The following UGT3A1 variants were observed in gnomAD, a reference collection of about 807,000 sequenced individuals.
UGT3A1 encodes the protein UDP-glycosyltransferase 3A1.
A neutral mutation model predicts 37.6 loss-of-function variants in UGT3A1; 40 were observed. The observed-to-expected ratio is 1.06, with a 90% confidence interval of 0.83 to 1.38. The LOEUF is 1.38. Among genes scored for constraint, UGT3A1 ranks in the 40% most tolerant of loss-of-function variants. The pLI, the probability that UGT3A1 is intolerant of heterozygous loss-of-function variation, is 0.00. For missense variants in UGT3A1, 642 were observed against 634.2 expected (o/e 1.01, Z -0.13); for synonymous variants, 256 against 232.3 (o/e 1.10, Z -0.93).
chr5:35,960,279 C>A (rs569304664), intron 4 of UGT3A1, among the ~76,000 whole-genome samples: 12 of 152,156 alleles, frequency 7.9e-5, no homozygotes, highest in African/African-American at 2.9e-4. Flanking sequence ...GATTTCAAAA[C>A]ATATTACAAA....
rs960138134 is a variant in UGT3A1 at position 35,952,793 on chromosome 5, A to C, written c.*1409T>G. On this transcript the variant is annotated 3_prime_UTR_variant, in exon 7 of 7. Coordinates refer to ENST00000274278, the MANE Select transcript of UGT3A1 (RefSeq NM_152404.4). ...CACACAGATACACACACTCTAATGT[A>C]CTTCTGCGTGCTTCATGCTTCTGGC... is the stretch of plus-strand genomic sequence containing the variant. 2 of 152,242 alleles carry C rather than the reference A, an allele frequency of 1.3e-5. No individual in the cohort carries two copies. Among genetic ancestry groups the C allele is most frequent in the Non-Finnish European group, 2.9e-5 (2 of 68,042 alleles). 9.4% of individuals were successfully genotyped at this position (152,242 alleles called of 1,614,324 possible).
intron 2 of UGT3A1, among the ~76,000 whole-genome samples, chr5:35,975,124 G>A (rs928124157): frequency 5.9e-5 from 9 of 152,216 alleles, no homozygotes; most frequent in African/African-American, 2.2e-4. Context: ...CTGTTCTGTG[G>A]ATAACAGCCA....
At chr5:35,963,925 C>T (rs1226509835) in intron 4 of UGT3A1, among the ~76,000 whole-genome samples, 2 of 152,140 alleles carry the variant, frequency 1.3e-5, no homozygotes, top group African/African-American at 2.4e-5. Flanking sequence ...TGTTCTGAAT[C>T]GCACCTTTAG....
intron 4 of UGT3A1, among the ~76,000 whole-genome samples, chr5:35,958,013 A>G (rs1580916796): frequency 6.6e-6 from 1 of 152,180 alleles, no homozygotes; most frequent in African/African-American, 2.4e-5. Context: ...TTCATCCTCA[A>G]TTCCATCAAT....
At position 35,965,813 on chromosome 5, in the gene UGT3A1, T is replaced by C; in HGVS notation, c.416A>G (p.Tyr139Cys). The C allele has an allele frequency of 6.2e-7, 1 of 1,614,190 alleles. No individual in the cohort carries two copies. Reference protein sequence around the residue: ...DIMDSLKNENYDLVFVEAFDF... With the variant: ...DIMDSLKNENCDLVFVEAFDF... ...AAATGCTTCAACAAATACCAGATCA[T>C]AGTTCTCATTCTTTAAGGAATCCAT... is the stretch of plus-strand genomic sequence containing the variant. The change falls in exon 4 of 7, where the codon TAT (tyrosine) becomes TGT (cysteine). Residue 139 changes from tyrosine to cysteine, a missense_variant. Transcript: ENST00000274278.
chr5:35,995,965 G>A (rs1213089652), upstream of UGT3A1, among the ~76,000 whole-genome samples: 2 of 150,670 alleles, frequency 1.3e-5, no homozygotes, highest in African/African-American at 2.4e-5. Flanking sequence ...GACAAATTGG[G>A]CCATGACTAG....
chr5:35,989,590 T>C (rs558923867), intron 1 of UGT3A1, among the ~76,000 whole-genome samples: 2 of 152,310 alleles, frequency 1.3e-5, no homozygotes, highest in African/African-American at 2.4e-5. Context: ...TTTTAATCCA[T>C]GTAAGAACAG....
chr5:35,991,458 T>A, upstream of UGT3A1: 1 of 1,387,332 alleles, frequency 7.2e-7, no homozygotes, highest in Non-Finnish European at 9.3e-7. Context: ...GCCCTCACCC[T>A]ATCAAACTAC....
At chr5:35,972,021 C>T (rs1425835777) in intron 2 of UGT3A1, among the ~76,000 whole-genome samples, 1 of 152,086 alleles carries the variant, frequency 6.6e-6, no homozygotes, top group African/African-American at 2.4e-5. Context: ...CACTCAGATC[C>T]CAAAGTAGTG....
intron 2 of UGT3A1, among the ~76,000 whole-genome samples, chr5:35,974,517 C>T (rs898616413): frequency 6.6e-6 from 1 of 152,196 alleles, no homozygotes; most frequent in African/African-American, 2.4e-5. Flanking sequence ...TTAAAGATTG[C>T]AAGGGTGGTG....
intron 1 of UGT3A1, among the ~76,000 whole-genome samples, chr5:36,000,038 C>T (rs1322405236): frequency 6.6e-6 from 1 of 152,194 alleles, no homozygotes; most frequent in Non-Finnish European, 1.5e-5. Flanking sequence ...CATATGTTAA[C>T]ATTTCCATTG....
intron 2 of UGT3A1, among the ~76,000 whole-genome samples, chr5:35,973,327 A>G (rs1483431191): frequency 6.6e-6 from 1 of 152,204 alleles, no homozygotes; most frequent in African/African-American, 2.4e-5. Flanking sequence ...AACAATATGT[A>G]TGACAAAAAT....
chr5:35,983,252 G>C (rs1740600734), intron 2 of UGT3A1, among the ~76,000 whole-genome samples: 1 of 151,838 alleles, frequency 6.6e-6, no homozygotes, highest in African/African-American at 2.4e-5. Flanking sequence ...AGCATTAAAA[G>C]TCTCTATATT....
intron 2 of UGT3A1, among the ~76,000 whole-genome samples, chr5:35,984,472 ATTTT>A (rs35556767): frequency 7.4e-6 from 1 of 135,488 alleles, no homozygotes; most frequent in Admixed American, 7.5e-5. Context: ...ATCTCACAGA[ATTTT>A]TTTTTTTTTT....
At chr5:35,974,856 T>A (rs1445007494) in intron 2 of UGT3A1, among the ~76,000 whole-genome samples, 1 of 152,220 alleles carries the variant, frequency 6.6e-6, no homozygotes, top group African/African-American at 2.4e-5. Flanking sequence ...TTAGTCTGCA[T>A]GAAACTTATT....
intron 1 of UGT3A1, chr5:35,990,915 A>G: frequency 7.2e-7 from 1 of 1,390,844 alleles, no homozygotes; most frequent in Admixed American, 3.0e-5. Flanking sequence ...GTCCTGAACA[A>G]GAAGAGAGAA....
At chr5:35,970,108 T>C (rs1739975392) in intron 2 of UGT3A1, among the ~76,000 whole-genome samples, 1 of 152,084 alleles carries the variant, frequency 6.6e-6, no homozygotes, top group Admixed American at 6.6e-5. Context: ...CATCATTTCT[T>C]GGCCGGGCAC....
chr5:35,977,546 T>C (rs1213145605), intron 2 of UGT3A1, among the ~76,000 whole-genome samples: 1 of 152,120 alleles, frequency 6.6e-6, no homozygotes, highest in Non-Finnish European at 1.5e-5. Context: ...TTCCACCCAC[T>C]CTTTCTAGCT....
At chr5:35,999,236 CA>C (rs34007699) in intron 1 of UGT3A1, among the ~76,000 whole-genome samples, 2,920 of 102,990 alleles carry the variant, frequency 0.028, 58 homozygotes, top group African/African-American at 0.08. Context: ...GACTCCATCT[CA>C]AAAAAAAAAA....
Sources: gnomAD v4.1 joint callset for allele counts (sites outside exome capture counted in the v4.1 genomes callset) on GRCh38, gnomAD v4.1.1 for gene constraint, MANE v1.5 for transcripts, NCBI Gene and HGNC (gene_info 2026-07-23, HGNC 2026-07-21) for gene names.